CAMK1D: variants seen among roughly 807,000 people sequenced by gnomAD.
CAMK1D encodes calcium/calmodulin dependent protein kinase ID.
CAMK1D carries 9 observed loss-of-function variants against 47.7 expected under a neutral mutation model. The observed-to-expected ratio is 0.19, with a 90% CI of 0.11 to 0.33. CAMK1D has a LOEUF of 0.33. Ranked by LOEUF, CAMK1D falls within the 10% of genes least tolerant of loss-of-function variation. The probability of loss-of-function intolerance (pLI) is 1.00; values close to 1 mark genes in which losing one functional copy is unlikely to be tolerated. For synonymous variants in CAMK1D, 184 were observed against 184.9 expected, an observed-to-expected ratio of 0.99 and a Z score of 0.04; for missense variants, 291 against 488.7, an observed-to-expected ratio of 0.60 and a Z score of 3.81.
At chr10:12,516,928 T>C (rs796222667) in intron 1 of CAMK1D, among the ~76,000 whole-genome samples, 11 of 152,354 alleles carry the variant, frequency 7.2e-5, no homozygotes, top group African/African-American at 2.4e-4. Flanking sequence ...GCAGACTTGC[T>C]GGGATTTGAA....
At chr10:12,563,710 G>GGA (rs1346622990) in intron 2 of CAMK1D, among the ~76,000 whole-genome samples, 3 of 119,042 alleles carry the variant, frequency 2.5e-5, no homozygotes, top group Non-Finnish European at 5.4e-5. Flanking sequence ...GGAGAGAGAG[G>GGA]GAGAGAGAGA....
intron 1 of CAMK1D, among the ~76,000 whole-genome samples, chr10:12,491,542 A>G (rs1394281721): frequency 6.6e-6 from 1 of 152,160 alleles, no homozygotes; most frequent in Non-Finnish European, 1.5e-5. Context: ...CTACCAGAAT[A>G]GAAGATCCTG....
At position 12,518,494 on chromosome 10, in the gene CAMK1D, A is replaced by AT. The variant is rs1327670698; in HGVS notation, c.93-34719dup. ...ATTCTTTTTTTATTTTTTATTTTTT[A>AT]TTTTTTTTTTTTATTGATCATTCTT... On this transcript the variant is annotated intron_variant, in intron 1 of 10. Transcript: ENST00000619168. 1.4e-3 allele frequency among the ~76,000 whole-genome samples: 44 copies of AT among 32,218 alleles called. 3 individuals carry two copies. The highest frequency in any genetic ancestry group is 1.5e-3 in the Non-Finnish European group (22 of 14,260). The allele number at this position is 32,218 out of a possible 152,430, so 21.1% of individuals were successfully genotyped here. A position where few individuals can be genotyped will look rare whatever the true frequency, so the allele number is the denominator to read the frequency against.
intron 3 of CAMK1D, among the ~76,000 whole-genome samples, chr10:12,756,588 A>G (rs1405280769): frequency 6.6e-6 from 1 of 152,238 alleles, no homozygotes; most frequent in Non-Finnish European, 1.5e-5. Context: ...AAATTTGCAC[A>G]CAATACAATG....
intron 2 of CAMK1D, among the ~76,000 whole-genome samples, chr10:12,603,697 C>T (rs2132394590): frequency 6.6e-6 from 1 of 152,312 alleles, no homozygotes; most frequent in East Asian, 1.9e-4. Flanking sequence ...TGACCCATTC[C>T]CCCAGTCACA....
At chr10:12,752,571 T>C (rs1453502105) in intron 3 of CAMK1D, among the ~76,000 whole-genome samples, 1 of 152,170 alleles carries the variant, frequency 6.6e-6, no homozygotes, top group Non-Finnish European at 1.5e-5. Flanking sequence ...GCTGTACTTG[T>C]ACCCCTTAAA....
intron 2 of CAMK1D, among the ~76,000 whole-genome samples, chr10:12,561,499 T>G (rs781379726): frequency 6.6e-6 from 1 of 152,092 alleles, no homozygotes; most frequent in Non-Finnish European, 1.5e-5. Flanking sequence ...CCTTATTTAG[T>G]GTCCTTCCTC....
chr10:12,659,985 A>C (rs557081453), intron 2 of CAMK1D, among the ~76,000 whole-genome samples: 3 of 151,696 alleles, frequency 2.0e-5, no homozygotes, highest in Non-Finnish European at 2.9e-5. Flanking sequence ...CGCTATCCCC[A>C]CCTCATCCTC....
At chr10:12,472,670 C>T (rs552689368) in intron 1 of CAMK1D, among the ~76,000 whole-genome samples, 5 of 151,990 alleles carry the variant, frequency 3.3e-5, no homozygotes, top group South Asian at 4.1e-4. Flanking sequence ...TACAGGCATG[C>T]GCCACCCCGC....
intron 1 of CAMK1D, among the ~76,000 whole-genome samples, chr10:12,511,797 A>G (rs1400671748): frequency 6.6e-6 from 1 of 152,254 alleles, no homozygotes; most frequent in East Asian, 1.9e-4. Flanking sequence ...TCTCCTGGAT[A>G]GACACGAGAC....
At chr10:12,693,756 C>T (rs969800812) in intron 3 of CAMK1D, among the ~76,000 whole-genome samples, 1 of 150,010 alleles carries the variant, frequency 6.7e-6, no homozygotes, top group African/African-American at 2.5e-5. Context: ...TGACAGCCCT[C>T]ACAATTGTGT....
At chr10:12,503,597 G>A (rs1037889015) in intron 1 of CAMK1D, among the ~76,000 whole-genome samples, 1 of 152,120 alleles carries the variant, frequency 6.6e-6, no homozygotes, top group African/African-American at 2.4e-5. Context: ...GAAAATTCAG[G>A]TTGGGCCAGA....
chr10:12,470,463 T>A (rs1188510781), intron 1 of CAMK1D, among the ~76,000 whole-genome samples: 1 of 152,206 alleles, frequency 6.6e-6, no homozygotes, highest in Non-Finnish European at 1.5e-5. Flanking sequence ...ATATTGTAAA[T>A]TTTTCACTAA....
chr10:12,530,523 C>T (rs1350069799), intron 1 of CAMK1D, among the ~76,000 whole-genome samples: 1 of 152,126 alleles, frequency 6.6e-6, no homozygotes, highest in Non-Finnish European at 1.5e-5. Context: ...TGGTAATTGA[C>T]ATGCTAATAG....
At chr10:12,541,887 C>CTT (rs1554785287) in intron 1 of CAMK1D, among the ~76,000 whole-genome samples, 1 of 126,862 alleles carries the variant, frequency 7.9e-6, no homozygotes, top group African/African-American at 3.2e-5. Flanking sequence ...TCCTTCCTTC[C>CTT]TTTTTTTTTT....
At chr10:12,403,324 G>A (rs563212527) in intron 1 of CAMK1D, among the ~76,000 whole-genome samples, 1 of 152,332 alleles carries the variant, frequency 6.6e-6, no homozygotes, top group South Asian at 2.1e-4. Context: ...ACCGGTTCTG[G>A]TTTCAGGTGG....
At chr10:12,545,714 C>A (rs1392746099) in intron 1 of CAMK1D, among the ~76,000 whole-genome samples, 1 of 151,162 alleles carries the variant, frequency 6.6e-6, no homozygotes, top group African/African-American at 2.4e-5. Flanking sequence ...GCAGGGGAAT[C>A]GCTTGAACCA....
At chr10:12,410,737 CACACGT>C (rs1458177824) in intron 1 of CAMK1D, among the ~76,000 whole-genome samples, 1 of 152,192 alleles carries the variant, frequency 6.6e-6, no homozygotes, top group East Asian at 1.9e-4. Flanking sequence ...GCAGGAATGA[CACACGT>C]TTAATGTTGT....
At chr10:12,734,086 G>C (rs549751992) in intron 3 of CAMK1D, among the ~76,000 whole-genome samples, 2 of 151,634 alleles carry the variant, frequency 1.3e-5, no homozygotes, top group African/African-American at 4.8e-5. Context: ...CCAGCACGTG[G>C]GGAGTCCGAG....
Sources: allele counts gnomAD v4.1 joint callset (sites outside exome capture counted in the v4.1 genomes callset), GRCh38; gene constraint gnomAD v4.1.1; transcripts MANE v1.5; gene names NCBI Gene and HGNC (gene_info 2026-07-23, HGNC 2026-07-21).